Variants in GREB1L observed in about 807,000 individuals in gnomAD.
GREB1L encodes GREB1 like retinoic acid receptor coactivator.
Under a neutral mutation model 200.8 loss-of-function variants are expected in GREB1L, and 17 were observed. That is an observed-to-expected ratio of 0.08 (90% CI 0.06 to 0.13). The LOEUF (loss-of-function observed/expected upper bound fraction) is 0.13. GREB1L is among the 10% of genes least tolerant of loss of function. The pLI is 1.00. For missense variants in GREB1L, 1,657 were observed against 2,367.7 expected (o/e 0.70, Z 6.23); for synonymous variants, 789 against 893.0 (o/e 0.88, Z 2.08).
intron 1 of GREB1L, among the ~76,000 whole-genome samples, chr18:21,348,065 C>T (rs1250304241): frequency 1.3e-5 from 2 of 151,172 alleles, no homozygotes; most frequent in African/African-American, 4.9e-5. Context: ...CTGCCTCAGC[C>T]TCCCGAGTAG....
At chr18:21,371,450 G>A (rs189763163) in intron 2 of GREB1L, among the ~76,000 whole-genome samples, 7 of 150,248 alleles carry the variant, frequency 4.7e-5, no homozygotes, top group Admixed American at 2.0e-4. Context: ...TATCCTCAAC[G>A]TGGCACAATG....
At chr18:21,376,392 G>T (rs1305504196) in intron 2 of GREB1L, among the ~76,000 whole-genome samples, 1 of 147,824 alleles carries the variant, frequency 6.8e-6, no homozygotes, top group East Asian at 2.0e-4. Flanking sequence ...AAAGTGCTGG[G>T]ATTACAGGAA....
In GREB1L at chr18:21,500,636, A is replaced by C; in HGVS notation, c.4066A>C (p.Asn1356His). 6.5e-7 allele frequency: 1 copy of C among 1,531,860 alleles called. No individual in the cohort carries two copies. Among genetic ancestry groups the C allele is most frequent in the African/African-American group, 1.4e-5 (1 of 72,004 alleles). The allele number at this position is 1,531,860 out of a possible 1,614,324, so 94.9% of individuals were successfully genotyped here. Residue 1356 changes from asparagine (N) to histidine (H), a missense_variant, in exon 23 of 33, where the codon AAC becomes CAC. By Grantham distance (68) the Asn-to-His change is moderately conservative. This residue lies in a region of GREB1L where 512 missense variants were observed against 668.3 expected (regional missense o/e 0.77). Transcript: ENST00000424526. The part of the protein sequence containing the change: ...EVDVYDEEEI[N>H]TDHNESSEVS... ...GGACGTGTATGATGAGGAGGAGATC[A>C]ACACCGGTGAGTGCTGAGCCCAGGG...
rs1232176531 is a variant in GREB1L at position 21,402,490 on chromosome 18, C to CTTTCCTTTCCCTTTCCT, written c.709+1175_709+1191dup. On this transcript the variant is annotated intron_variant, in intron 6 of 32. Coordinates refer to ENST00000424526, the MANE Select transcript of GREB1L (RefSeq NM_001142966.3). ...TTTCCCTTTTTCTTTCTTCCTTTCC[C>CTTTCCTTTCCCTTTCCT]TTTCCTTTCCCTTTCCTTTTCCTTT... Among the ~76,000 whole-genome samples, 5 of 142,662 alleles carry CTTTCCTTTCCCTTTCCT rather than the reference C, an allele frequency of 3.5e-5. No homozygotes were observed. In the East Asian group the frequency reaches 1.0e-3, roughly 29 times the overall value. 93.6% of individuals were successfully genotyped at this position (142,662 alleles called of 152,430 possible).
intron 2 of GREB1L, among the ~76,000 whole-genome samples, chr18:21,381,365 G>A (rs1260162352): frequency 1.3e-5 from 2 of 151,384 alleles, no homozygotes; most frequent in Admixed American, 6.6e-5. Flanking sequence ...CCGAGATTGC[G>A]CCACTGCACT....
intron 1 of GREB1L, among the ~76,000 whole-genome samples, chr18:21,253,990 C>G (rs141708493): frequency 3.1e-4 from 46 of 150,108 alleles, no homozygotes; most frequent in African/African-American, 1.1e-3. Flanking sequence ...GTGTGTACCA[C>G]TATGCCTGGT....
chr18:21,271,999 G>T (rs1211558022), intron 1 of GREB1L, among the ~76,000 whole-genome samples: 2 of 152,126 alleles, frequency 1.3e-5, no homozygotes, highest in Non-Finnish European at 2.9e-5. Context: ...AGAAGTGGGG[G>T]TAGATACTAA....
intron 1 of GREB1L, among the ~76,000 whole-genome samples, chr18:21,278,281 G>A (rs527439874): frequency 6.6e-6 from 1 of 151,614 alleles, no homozygotes; most frequent in South Asian, 2.1e-4. Flanking sequence ...TTGGGAGGGT[G>A]AGGCAGGAGA....
At chr18:21,369,822 G>A (rs1207791121) in intron 2 of GREB1L, among the ~76,000 whole-genome samples, 1 of 151,472 alleles carries the variant, frequency 6.6e-6, no homozygotes, top group African/African-American at 2.4e-5. Flanking sequence ...GGTGGCACGC[G>A]CCTGTAATCT....
chr18:21,423,117 G>T (rs1192008878), intron 7 of GREB1L, among the ~76,000 whole-genome samples: 1 of 152,088 alleles, frequency 6.6e-6, no homozygotes, highest in Non-Finnish European at 1.5e-5. Context: ...TTTTAGTAGA[G>T]ACGGGGTTTC....
intron 1 of GREB1L, among the ~76,000 whole-genome samples, chr18:21,309,251 C>G (rs1460950928): frequency 6.6e-6 from 1 of 152,286 alleles, no homozygotes. Context: ...CCACCAGAAC[C>G]TTAGGCTGTA....
At chr18:21,378,965 G>A in intron 2 of GREB1L, among the ~76,000 whole-genome samples, 1 of 150,932 alleles carries the variant, frequency 6.6e-6, no homozygotes, top group East Asian at 2.0e-4. Flanking sequence ...CAACTCCTGA[G>A]CTCAAGTGAT....
intron 1 of GREB1L, among the ~76,000 whole-genome samples, chr18:21,244,366 A>G (rs368913332): frequency 6.6e-6 from 1 of 152,302 alleles, no homozygotes; most frequent in Admixed American, 6.5e-5. Context: ...GACATGACAT[A>G]ATATAAAGAT....
intron 27 of GREB1L, among the ~76,000 whole-genome samples, chr18:21,512,335 A>G (rs753925502): frequency 9.9e-5 from 15 of 152,170 alleles, no homozygotes; most frequent in Non-Finnish European, 1.9e-4. Context: ...CTTTCCATTT[A>G]TTGGTGTCTT....
At chr18:21,277,624 A>T in intron 1 of GREB1L, among the ~76,000 whole-genome samples, 1 of 152,148 alleles carries the variant, frequency 6.6e-6, no homozygotes, top group South Asian at 2.1e-4. Flanking sequence ...CCTTTGTGTA[A>T]ACTCCTCCAT....
intron 9 of GREB1L, 48 bp downstream of exon 9, chr18:21,440,436 G>A (rs1306720620): frequency 2.0e-6 from 3 of 1,505,964 alleles, no homozygotes; most frequent in Non-Finnish European, 2.7e-6. Context: ...TTAATTAGCA[G>A]AGATATCTTC....
chr18:21,403,762 C>G (rs1598768593), intron 6 of GREB1L, 110 bp from the exon 7 acceptor site: 15 of 845,954 alleles, frequency 1.8e-5, no homozygotes. Context: ...AAAGTGGCTG[C>G]CGCTTAAGGA....
At chr18:21,264,121 AT>A (rs1485524791) in intron 1 of GREB1L, among the ~76,000 whole-genome samples, 5 of 152,158 alleles carry the variant, frequency 3.3e-5, no homozygotes, top group African/African-American at 1.2e-4. Flanking sequence ...ATTTGTGTAG[AT>A]AAAGGTATGT....
At chr18:21,429,149 C>CCTTCCTCCCTTCCTTCCTTCCTTCCTT (rs1568002645) in intron 7 of GREB1L, among the ~76,000 whole-genome samples, 5 of 76,548 alleles carry the variant, frequency 6.5e-5, no homozygotes, top group African/African-American at 3.4e-4. Flanking sequence ...CTTCCTTCCT[C>CCTTCCTCCCTTCCTTCCTTCCTTCCTT]CCTTCCCTCC....
Sources: gnomAD v4.1 joint callset for allele counts (sites outside exome capture counted in the v4.1 genomes callset) on GRCh38, gnomAD v4.1.1 for gene constraint, gnomAD v4.1.1 regional missense constraint, MANE v1.5 for transcripts, NCBI Gene and HGNC (gene_info 2026-07-23, HGNC 2026-07-21) for gene names.